The following HNRNPLL variants were observed in gnomAD, a reference collection of about 807,000 sequenced individuals.
The protein encoded by HNRNPLL is heterogeneous nuclear ribonucleoprotein L-like.
In HNRNPLL, 25 loss-of-function variants were observed where a neutral mutation model predicts 67.1. The ratio of observed to expected loss-of-function variants is 0.37; its 90% CI spans 0.27 to 0.52. The LOEUF (loss-of-function observed/expected upper bound fraction) is 0.52. HNRNPLL is among the 20% of genes least tolerant of loss of function. The pLI, the probability that HNRNPLL is intolerant of heterozygous loss-of-function variation, is 0.90. For synonymous variants in HNRNPLL, 267 were observed against 241.7 expected, an observed-to-expected ratio of 1.10 and a Z score of -0.97; for missense variants, 542 against 673.9, an observed-to-expected ratio of 0.80 and a Z score of 2.17.
At chr2:38,591,670 T>C (rs774864197) in intron 1 of HNRNPLL, 22 bp from the exon 2 acceptor site, 19 of 1,549,596 alleles carry the variant, frequency 1.2e-5, no homozygotes, top group Non-Finnish European at 1.6e-5. Flanking sequence ...AAATAATTTC[T>C]AGTTAAAAAA....
intron 3 of HNRNPLL, among the ~76,000 whole-genome samples, chr2:38,584,687 A>G (rs75588762): frequency 0.017 from 2,552 of 152,266 alleles, 65 homozygotes; most frequent in African/African-American, 0.058. Flanking sequence ...GACAATGGCC[A>G]TAAAGAAAAG....
At chr2:38,584,448 A>T (rs1666648374) in intron 3 of HNRNPLL, among the ~76,000 whole-genome samples, 1 of 152,236 alleles carries the variant, frequency 6.6e-6, no homozygotes, top group South Asian at 2.1e-4. Flanking sequence ...AACATTTGGA[A>T]AGCACTGTCA....
chr2:38,564,774 A>AATT (rs1272769692), intron 12 of HNRNPLL, among the ~76,000 whole-genome samples: 1 of 152,032 alleles, frequency 6.6e-6, no homozygotes, highest in Non-Finnish European at 1.5e-5. Flanking sequence ...TTTTTTAGTG[A>AATT]ATTCATCATT....
At chr2:38,565,112 A>G (rs1172726443) in intron 12 of HNRNPLL, among the ~76,000 whole-genome samples, 3 of 152,084 alleles carry the variant, frequency 2.0e-5, no homozygotes, top group African/African-American at 4.8e-5. Flanking sequence ...AACTACATAT[A>G]TAAGAAATCA....
At chr2:38,600,039 G>A (rs981510314) in intron 1 of HNRNPLL, 2 of 373,986 alleles carry the variant, frequency 5.3e-6, no homozygotes, top group Admixed American at 3.7e-5. Context: ...ACTTCTATCC[G>A]GGGAACGTCT....
At chr2:38,578,770 T>C (rs991796440) in intron 6 of HNRNPLL, among the ~76,000 whole-genome samples, 2 of 152,112 alleles carry the variant, frequency 1.3e-5, no homozygotes, top group African/African-American at 4.8e-5. Context: ...AATTTTTATA[T>C]TGTATAGAAA....
chr2:38,583,139 TACTC>T (rs1202408210), intron 4 of HNRNPLL, among the ~76,000 whole-genome samples: 11 of 152,142 alleles, frequency 7.2e-5, no homozygotes, highest in Non-Finnish European at 1.2e-4. Flanking sequence ...AGTTTTATAA[TACTC>T]TATCTAAAAT....
At chr2:38,588,681 TA>T (rs1666834023) in intron 2 of HNRNPLL, among the ~76,000 whole-genome samples, 1 of 151,338 alleles carries the variant, frequency 6.6e-6, no homozygotes, top group South Asian at 2.1e-4. Context: ...ATATTCAATA[TA>T]AAAAAACTAA....
At chr2:38,568,135 T>C in intron 12 of HNRNPLL, 64 bp downstream of exon 12, 4 of 965,948 alleles carry the variant, frequency 4.1e-6, no homozygotes, top group Non-Finnish European at 6.4e-6. Context: ...TATATTACCA[T>C]GAATGTTTCT....
At chr2:38,602,104 T>A in intron 1 of HNRNPLL, 1 of 297,744 alleles carries the variant, frequency 3.4e-6, no homozygotes. Context: ...GCCCGAGGAG[T>A]TAAACTAACA....
At chr2:38,578,881 C>T (rs574723214) in intron 6 of HNRNPLL, among the ~76,000 whole-genome samples, 7 of 152,168 alleles carry the variant, frequency 4.6e-5, no homozygotes, top group Admixed American at 3.3e-4. Context: ...GACTGTCCCC[C>T]CGACCCCATT....
At chr2:38,573,793 T>C (rs1437812458) in intron 7 of HNRNPLL, among the ~76,000 whole-genome samples, 1 of 151,876 alleles carries the variant, frequency 6.6e-6, no homozygotes, top group Non-Finnish European at 1.5e-5. Flanking sequence ...CCTGCCAATG[T>C]CTTTTGGAGG....
intron 6 of HNRNPLL, among the ~76,000 whole-genome samples, chr2:38,578,933 C>G (rs777650718): frequency 4.6e-5 from 7 of 152,092 alleles, no homozygotes; most frequent in African/African-American, 7.2e-5. Context: ...ATTCACAGTT[C>G]CTTCTACCAC....
rs70954733 is a variant in HNRNPLL, at chr2:38,588,546, CA to C, written c.309-2666del. Among the ~76,000 whole-genome samples the C allele has an allele frequency of 6.8e-3, 346 of 51,000 alleles. 5 individuals are homozygous for C. Among genetic ancestry groups the C allele is most frequent in the South Asian group, 0.017 (23 of 1,376 alleles). The allele number at this position is 51,000 out of a possible 152,430, so 33.5% of individuals were successfully genotyped here. Reference sequence around the variant, plus strand: ...TGGGTGACAGAGTGAAACTCCATCTCAAAAAAAAAAAAAAAAAAAAAGGGTG... The same window carrying C: ...TGGGTGACAGAGTGAAACTCCATCTCAAAAAAAAAAAAAAAAAAAAGGGTG... On this transcript the variant is annotated intron_variant, in intron 2 of 12. Transcript: ENST00000449105.
At chr2:38,586,223 G>A (rs781738011) in intron 2 of HNRNPLL, among the ~76,000 whole-genome samples, 6 of 152,182 alleles carry the variant, frequency 3.9e-5, no homozygotes, top group South Asian at 4.2e-4. Flanking sequence ...GGGTTTCCCC[G>A]TGTTAGCCAG....
chr2:38,564,097 C>A lies in HNRNPLL; in HGVS notation c.*85G>T. On this transcript the variant is annotated 3_prime_UTR_variant, in exon 13 of 13. Coordinates refer to ENST00000449105, the MANE Select transcript of HNRNPLL (RefSeq NM_138394.4). Reference sequence around the variant, plus strand: ...TAAAGTAAGCAAGGCAACATGAGATCAACCATTTTAGATTTTTTTTTAATG... The same window carrying A: ...TAAAGTAAGCAAGGCAACATGAGATAAACCATTTTAGATTTTTTTTTAATG... 2.3e-6 allele frequency: 2 copies of A among 854,638 alleles called. No homozygotes were observed. Among genetic ancestry groups the A allele is most frequent in the Non-Finnish European group, 2.0e-6 (1 of 500,692 alleles). 52.9% of individuals were successfully genotyped at this position (854,638 alleles called of 1,614,324 possible).
Position 38,563,153 on chromosome 2 carries a change from T to C in HNRNPLL, c.*1029A>G, listed in dbSNP as rs1053959256. 4 of 151,608 alleles carry C rather than the reference T, an allele frequency of 2.6e-5. No homozygotes were observed. Among genetic ancestry groups the C allele is most frequent in the African/African-American group, 9.7e-5 (4 of 41,304 alleles). 9.4% of individuals were successfully genotyped at this position (151,608 alleles called of 1,614,324 possible). On this transcript the variant is annotated 3_prime_UTR_variant, in exon 13 of 13. Transcript: ENST00000449105. ...AAATCTTACTTGCCTATGTATAAAA[T>C]CTATTATCTTAAAAAGAAAAAAAAA...
At chr2:38,579,524 T>C (rs1453089218) in intron 6 of HNRNPLL, among the ~76,000 whole-genome samples, 2 of 152,056 alleles carry the variant, frequency 1.3e-5, no homozygotes, top group Non-Finnish European at 2.9e-5. Flanking sequence ...GAACCCTAAA[T>C]ATATCAGTTT....
chr2:38,586,107 C>T (rs531250096), intron 2 of HNRNPLL, among the ~76,000 whole-genome samples: 5 of 151,998 alleles, frequency 3.3e-5, no homozygotes, highest in African/African-American at 1.2e-4. Context: ...CTGCAAGCTC[C>T]GCCTCCCGGG....
Sources: gnomAD v4.1 joint callset for allele counts (sites outside exome capture counted in the v4.1 genomes callset) on GRCh38, gnomAD v4.1.1 for gene constraint, MANE v1.5 for transcripts, NCBI Gene and HGNC (gene_info 2026-07-23, HGNC 2026-07-21) for gene names.